The following ITGB8 variants were observed in gnomAD, a reference collection of about 807,000 sequenced individuals.
ITGB8 encodes integrin beta-8.
ITGB8 carries 30 observed loss-of-function variants against 89.5 expected under a neutral mutation model. The observed-to-expected ratio is 0.34, with a 90% CI of 0.25 to 0.45. ITGB8 has a LOEUF of 0.45. Among genes scored for constraint, ITGB8 ranks in the 20% least tolerant of loss-of-function variants. The pLI, the probability that ITGB8 is intolerant of heterozygous loss-of-function variation, is 1.00. For synonymous variants in ITGB8, 335 were observed against 320.4 expected (o/e 1.05, Z -0.49); for missense variants, 836 against 933.3 (o/e 0.90, Z 1.36).
chr7:20,406,204 G>A (rs767072843), intron 12 of ITGB8, 33 bp downstream of exon 12: 1 of 1,264,244 alleles, frequency 7.9e-7, no homozygotes. Context: ...AAGCACAGAA[G>A]AGTGTCTGTA....
intron 6 of ITGB8, among the ~76,000 whole-genome samples, chr7:20,384,337 TA>T (rs1306295689): frequency 6.6e-6 from 1 of 152,112 alleles, no homozygotes; most frequent in Non-Finnish European, 1.5e-5. Context: ...AACAACTGAT[TA>T]AAAAACCCTT....
At chr7:20,402,737 G>A (rs1369820337) in intron 10 of ITGB8, among the ~76,000 whole-genome samples, 1 of 151,974 alleles carries the variant, frequency 6.6e-6, no homozygotes, top group African/African-American at 2.4e-5. Context: ...TCGTCCTTGA[G>A]GCCACACACA....
chr7:20,409,900 GCA>G lies in ITGB8; in HGVS notation c.2216_2217del (p.Thr739LysfsTer8), dbSNP rs868419575. The G allele has an allele frequency of 6.2e-7, 1 of 1,613,532 alleles. No individual in the cohort carries two copies. The highest frequency in any genetic ancestry group is 8.5e-7 in the Non-Finnish European group (1 of 1,179,812). On this transcript the variant is annotated frameshift_variant, in exon 14 of 14. Transcript: ENST00000222573. LOFTEE classifies it high-confidence loss of function. ...GATAAGTTGATTCTGCAAAGTGTTT[GCA>G]CAAGAGCAGTCACCTACCGACGTGA... is the stretch of plus-strand genomic sequence containing the variant.
At chr7:20,376,816 C>G (rs1448355022) in intron 3 of ITGB8, among the ~76,000 whole-genome samples, 3 of 152,140 alleles carry the variant, frequency 2.0e-5, no homozygotes, top group African/African-American at 7.2e-5. Context: ...ACTAAAAGGC[C>G]TGTGTATGGA....
chr7:20,362,924 A>G (rs943271029), intron 1 of ITGB8, among the ~76,000 whole-genome samples: 3 of 152,224 alleles, frequency 2.0e-5, no homozygotes, highest in Admixed American at 2.0e-4. Context: ...TTATTAAAAT[A>G]TTATGGACAT....
intron 6 of ITGB8, among the ~76,000 whole-genome samples, chr7:20,387,872 C>G (rs1015384320): frequency 6.6e-5 from 10 of 152,280 alleles, no homozygotes; most frequent in Non-Finnish European, 1.3e-4. Context: ...AAATAAATGT[C>G]TGCTATCTGA....
In ITGB8 at chr7:20,333,395, T is replaced by C. The variant is rs182053222; in HGVS notation, c.127+1462T>C. ...AAACATGCATTTGTTGCAGCAAATT[T>C]TCCGCTAAGCATAATTTCATCCTGT... On this transcript the variant is annotated intron_variant, in intron 1 of 13. Coordinates refer to ENST00000222573, the MANE Select transcript of ITGB8 (RefSeq NM_002214.3). Among the ~76,000 whole-genome samples, 7 of 152,322 alleles carry C rather than the reference T, an allele frequency of 4.6e-5. 1 individual carries two copies. Among genetic ancestry groups the C allele is most frequent in the African/African-American group, 1.7e-4 (7 of 41,584 alleles).
intron 11 of ITGB8, among the ~76,000 whole-genome samples, chr7:20,405,238 A>T (rs955618073): frequency 2.0e-5 from 3 of 150,302 alleles, no homozygotes; most frequent in Non-Finnish European, 1.5e-5. Context: ...TGATTCATAT[A>T]AAAAAACTCA....
intron 6 of ITGB8, among the ~76,000 whole-genome samples, chr7:20,390,343 T>C (rs1281381320): frequency 2.0e-5 from 3 of 152,294 alleles, no homozygotes; most frequent in African/African-American, 4.8e-5. Context: ...TATCTAGCTA[T>C]GAACTTGTTA....
intron 5 of ITGB8, 37 bp from the exon 6 acceptor site, chr7:20,381,690 T>C: frequency 6.5e-7 from 1 of 1,527,306 alleles, no homozygotes; most frequent in Non-Finnish European, 9.0e-7. Context: ...CACATCTGTG[T>C]TATTGTACAA....
intron 1 of ITGB8, among the ~76,000 whole-genome samples, chr7:20,348,988 C>T (rs1040443433): frequency 6.6e-6 from 1 of 152,152 alleles, no homozygotes; most frequent in African/African-American, 2.4e-5. Flanking sequence ...GTTCATAACA[C>T]AGTACCAATA....
At chr7:20,401,669 A>C (rs1474866298) in intron 9 of ITGB8, 52 bp from the exon 10 acceptor site, 1 of 1,083,136 alleles carries the variant, frequency 9.2e-7, no homozygotes, top group Non-Finnish European at 1.3e-6. Flanking sequence ...AATATTGGTA[A>C]TAAAAATAAT....
At chr7:20,393,179 T>C (rs1786933087) in intron 7 of ITGB8, among the ~76,000 whole-genome samples, 1 of 152,250 alleles carries the variant, frequency 6.6e-6, no homozygotes. Flanking sequence ...TTATAGCTTT[T>C]GCTTCCTCTT....
chr7:20,355,616 G>GA (rs1162738563), intron 1 of ITGB8, among the ~76,000 whole-genome samples: 1 of 152,166 alleles, frequency 6.6e-6, no homozygotes, highest in Non-Finnish European at 1.5e-5. Context: ...TTTTCTAAGT[G>GA]AAAGTAGAGG....
chr7:20,378,233 G>C (rs866179607), intron 3 of ITGB8, among the ~76,000 whole-genome samples: 2 of 152,144 alleles, frequency 1.3e-5, no homozygotes, highest in African/African-American at 4.8e-5. Flanking sequence ...GTTCCCTGCG[G>C]GGACTACCGA....
At chr7:20,363,437 C>A (rs1480476047) in intron 1 of ITGB8, among the ~76,000 whole-genome samples, 200 bp from the exon 2 acceptor site, 1 of 152,114 alleles carries the variant, frequency 6.6e-6, no homozygotes. Flanking sequence ...TCATAATTAT[C>A]CAGGTATCTA....
intron 13 of ITGB8, 39 bp from the exon 14 acceptor site, chr7:20,409,836 T>G (rs1787694575): frequency 1.2e-6 from 2 of 1,610,520 alleles, no homozygotes; most frequent in Non-Finnish European, 1.7e-6. Context: ...TTACAATATT[T>G]AGGCCCTTAG....
intron 3 of ITGB8, among the ~76,000 whole-genome samples, chr7:20,374,195 A>G (rs1392749492): frequency 6.6e-6 from 1 of 152,210 alleles, no homozygotes; most frequent in African/African-American, 2.4e-5. Context: ...AGCTCTGCCT[A>G]TACTGTGGGA....
At position 20,412,506 on chromosome 7, in the gene ITGB8, G is replaced by C. The variant is rs770729317; in HGVS notation, c.*2509G>C. ...GTATGGAATGAATTATCCAAAAAGA[G>C]TATAACAAAATGAAATCCTTAAAAA... On this transcript the variant is annotated 3_prime_UTR_variant, in exon 14 of 14. Transcript: ENST00000222573. The C allele has an allele frequency of 6.6e-6, 1 of 152,496 alleles. No individual in the cohort carries two copies. The highest frequency in any genetic ancestry group is 2.4e-5 in the African/African-American group (1 of 41,408). 9.4% of individuals were successfully genotyped at this position (152,496 alleles called of 1,614,324 possible).
Sources: gnomAD v4.1 joint callset for allele counts (sites outside exome capture counted in the v4.1 genomes callset) on GRCh38, gnomAD v4.1.1 for gene constraint, MANE v1.5 for transcripts, NCBI Gene and HGNC (gene_info 2026-07-23, HGNC 2026-07-21) for gene names.